The following MAP4K4 variants were observed in gnomAD, a reference collection of about 807,000 sequenced individuals.
MAP4K4 encodes mitogen-activated protein kinase kinase kinase kinase 4, also known as HPK/GCK-like kinase HGK.
In MAP4K4, 38 loss-of-function variants were observed where a neutral mutation model predicts 189.6. The ratio of observed to expected loss-of-function variants is 0.20; its 90% CI spans 0.15 to 0.26. MAP4K4 has a LOEUF of 0.26. MAP4K4 is among the 10% of genes least tolerant of loss of function. The pLI, the probability that MAP4K4 is intolerant of heterozygous loss-of-function variation, is 1.00. For missense variants in MAP4K4, 1,054 were observed against 1,726.9 expected (o/e 0.61, Z 6.91); for synonymous variants, 610 against 624.3 (o/e 0.98, Z 0.34).
At chr2:101,745,972 TTG>T (rs5832985) in intron 2 of MAP4K4, among the ~76,000 whole-genome samples, 43,823 of 146,288 alleles carry the variant, frequency 0.3, 6,444 homozygotes, top group African/African-American at 0.33. Context: ...CCTGTTTCCT[TTG>T]TGTGTGTGTG....
chr2:101,709,390 A>G (rs2044159734), intron 2 of MAP4K4, among the ~76,000 whole-genome samples: 1 of 152,070 alleles, frequency 6.6e-6, no homozygotes, highest in Admixed American at 6.6e-5. Context: ...TTTAGTAGAG[A>G]TGGGGTTTCG....
At position 101,827,684 on chromosome 2, in the gene MAP4K4, A is replaced by G. The variant is rs537986246; in HGVS notation, c.418-1820A>G. Among the ~76,000 whole-genome samples, 5 of 152,284 alleles carry G rather than the reference A, an allele frequency of 3.3e-5. No homozygotes were observed. In the South Asian group the frequency reaches 1.0e-3, roughly 32 times the overall value. ...GAGCCTGCACACTGTTACCCTGTGGACCACAAGGCTTAGCAGCAGGCCAGC... is the reference window on the plus strand; with the variant it reads ...GAGCCTGCACACTGTTACCCTGTGGGCCACAAGGCTTAGCAGCAGGCCAGC... On this transcript the variant is annotated intron_variant, in intron 5 of 32. Coordinates refer to ENST00000324219, the Ensembl canonical transcript of MAP4K4.
intron 2 of MAP4K4, among the ~76,000 whole-genome samples, chr2:101,746,602 A>G (rs986507974): frequency 6.6e-6 from 1 of 152,154 alleles, no homozygotes; most frequent in Non-Finnish European, 1.5e-5. Flanking sequence ...AGACCTTGCT[A>G]TAAAAATGTT....
chr2:101,808,929 C>A (rs770011836), intron 3 of MAP4K4, among the ~76,000 whole-genome samples: 2 of 152,128 alleles, frequency 1.3e-5, no homozygotes, highest in Non-Finnish European at 2.9e-5. Context: ...ACCCCCCCGA[C>A]GTTCTGGTGT....
chr2:101,760,172 T>G (rs930759777), intron 2 of MAP4K4, among the ~76,000 whole-genome samples: 2 of 151,702 alleles, frequency 1.3e-5, no homozygotes, highest in African/African-American at 4.8e-5. Context: ...TTTTTTTAGA[T>G]TTAGACAATA....
chr2:101,853,341 A>G (rs2097345932), intron 12 of MAP4K4, among the ~76,000 whole-genome samples: 2 of 152,222 alleles, frequency 1.3e-5, no homozygotes, highest in Admixed American at 1.3e-4. Context: ...ACATATATAC[A>G]TATACACACG....
At chr2:101,860,690 G>T in intron 15 of MAP4K4, 135 bp from the exon 16 acceptor site, 1 of 685,278 alleles carries the variant, frequency 1.5e-6, no homozygotes. Flanking sequence ...CTTTTTTCCA[G>T]CTACCCCTCT....
intron 2 of MAP4K4, among the ~76,000 whole-genome samples, chr2:101,771,169 A>G (rs559241908): frequency 1.3e-5 from 2 of 152,230 alleles, no homozygotes; most frequent in East Asian, 1.9e-4. Flanking sequence ...AGCCTGTCCT[A>G]AGGTTGGGGG....
At chr2:101,823,865 G>T in intron 3 of MAP4K4, 63 bp from the exon 4 acceptor site, 1 of 1,406,676 alleles carries the variant, frequency 7.1e-7, no homozygotes, top group East Asian at 2.4e-5. Context: ...TATGTAGTGT[G>T]GGGGAAGTAA....
chr2:101,709,858 T>C (rs151074446), intron 2 of MAP4K4, among the ~76,000 whole-genome samples: 1 of 152,340 alleles, frequency 6.6e-6, no homozygotes, highest in African/African-American at 2.4e-5. Flanking sequence ...ATTTTTCTTA[T>C]ATTTTATTCT....
At chr2:101,702,564 T>C (rs2039508977) in intron 2 of MAP4K4, among the ~76,000 whole-genome samples, 1 of 152,048 alleles carries the variant, frequency 6.6e-6, no homozygotes, top group African/African-American at 2.4e-5. Context: ...AGTGAAACTC[T>C]GTCTCAAAAA....
At chr2:101,797,694 C>G (rs536698746) in intron 3 of MAP4K4, among the ~76,000 whole-genome samples, 71 of 152,072 alleles carry the variant, frequency 4.7e-4, no homozygotes, top group African/African-American at 1.2e-3. Context: ...TGGTATAAGA[C>G]AAGACCTTGA....
chr2:101,855,432 T>C (rs564975485), intron 12 of MAP4K4, among the ~76,000 whole-genome samples: 4 of 152,342 alleles, frequency 2.6e-5, no homozygotes, highest in Admixed American at 1.3e-4. Context: ...ATACTTAGCA[T>C]AGTGCCAGGC....
chr2:101,819,119 T>C (rs1032366661), intron 3 of MAP4K4, among the ~76,000 whole-genome samples: 1 of 152,218 alleles, frequency 6.6e-6, no homozygotes, highest in African/African-American at 2.4e-5. Flanking sequence ...TGGGATTTGT[T>C]GTTGTTACTA....
At chr2:101,854,094 A>T (rs2097368962) in intron 12 of MAP4K4, among the ~76,000 whole-genome samples, 1 of 152,178 alleles carries the variant, frequency 6.6e-6, no homozygotes. Context: ...GATGACAAGG[A>T]TTCCCGGGAA....
chr2:101,863,739 C>T, intron 16 of MAP4K4, 82 bp from the exon 17 acceptor site: 12 of 911,926 alleles, frequency 1.3e-5, no homozygotes, highest in Non-Finnish European at 2.0e-5. Context: ...TCTGCCAGTT[C>T]CTGCTTTGGA....
chr2:101,736,600 C>T (rs754545491), intron 2 of MAP4K4, among the ~76,000 whole-genome samples: 6 of 152,184 alleles, frequency 3.9e-5, no homozygotes, highest in Admixed American at 6.5e-5. Context: ...TATAATAACT[C>T]GTTCTATTGC....
chr2:101,741,136 A>T (rs1178466441), intron 2 of MAP4K4, among the ~76,000 whole-genome samples: 1 of 150,674 alleles, frequency 6.6e-6, no homozygotes, highest in African/African-American at 2.4e-5. Context: ...CTTTTGCTGT[A>T]CATGGGGAAG....
intron 2 of MAP4K4, among the ~76,000 whole-genome samples, chr2:101,746,725 T>A (rs2065774358): frequency 6.6e-6 from 1 of 152,194 alleles, no homozygotes; most frequent in East Asian, 1.9e-4. Context: ...AGAAAAGCCC[T>A]TTGGGAAAAA....
Sources: gnomAD v4.1 joint callset for allele counts (sites outside exome capture counted in the v4.1 genomes callset) on GRCh38, gnomAD v4.1.1 for gene constraint, MANE v1.5 for transcripts, NCBI Gene and HGNC (gene_info 2026-07-23, HGNC 2026-07-21) for gene names.